The following BBX variants were observed in gnomAD, a reference collection of about 807,000 sequenced individuals.
The protein encoded by BBX is HMG box transcription factor BBX.
Under a neutral mutation model 100.2 loss-of-function variants are expected in BBX, and 30 were observed. The ratio of observed to expected loss-of-function variants is 0.30; its 90% CI spans 0.22 to 0.41. The LOEUF is 0.41. BBX is among the 10% of genes least tolerant of loss of function. The pLI, the probability that BBX is intolerant of heterozygous loss-of-function variation, is 1.00. For synonymous variants in BBX, 376 were observed against 388.1 expected, an observed-to-expected ratio of 0.97 and a Z score of 0.37; for missense variants, 1,023 against 1,129.8, an observed-to-expected ratio of 0.91 and a Z score of 1.35.
intron 2 of BBX, among the ~76,000 whole-genome samples, chr3:107,611,992 TCTA>T (rs2054880321): frequency 6.6e-6 from 1 of 152,056 alleles, no homozygotes; most frequent in Non-Finnish European, 1.5e-5. Context: ...CTTGATCAGT[TCTA>T]CTATTTAGAG....
intron 2 of BBX, among the ~76,000 whole-genome samples, chr3:107,540,141 G>A (rs1321868535): frequency 1.3e-5 from 2 of 152,204 alleles, no homozygotes; most frequent in East Asian, 1.9e-4. Flanking sequence ...AGTTCAGCAC[G>A]AGGGATCTGG....
intron 2 of BBX, among the ~76,000 whole-genome samples, chr3:107,555,558 A>C (rs1424224687): frequency 6.6e-6 from 1 of 152,214 alleles, no homozygotes; most frequent in Non-Finnish European, 1.5e-5. Context: ...CAAAACTACT[A>C]TCCCACTCAT....
intron 4 of BBX, among the ~76,000 whole-genome samples, chr3:107,715,860 A>T (rs1390744083): frequency 6.6e-6 from 1 of 152,254 alleles, no homozygotes; most frequent in Non-Finnish European, 1.5e-5. Flanking sequence ...ATAAAAGAGG[A>T]TTCAAAATTG....
At chr3:107,543,392 A>G (rs1211709954) in intron 2 of BBX, among the ~76,000 whole-genome samples, 1 of 152,236 alleles carries the variant, frequency 6.6e-6, no homozygotes, top group Non-Finnish European at 1.5e-5. Context: ...CCATCTTTAC[A>G]GCAGGAATAG....
chr3:107,555,354 C>T (rs896158707), intron 2 of BBX, among the ~76,000 whole-genome samples: 1 of 152,080 alleles, frequency 6.6e-6, no homozygotes, highest in Admixed American at 6.5e-5. Context: ...TTATAGATTT[C>T]CAAGGGCATT....
chr3:107,778,487 A>G lies in BBX; in HGVS notation c.2171A>G (p.Asn724Ser). The G allele has an allele frequency of 6.2e-7, 1 of 1,613,320 alleles. No individual in the cohort carries two copies. Among genetic ancestry groups the G allele is most frequent in the East Asian group, 2.2e-5 (1 of 44,856 alleles). Residue 724 changes from asparagine to serine, a missense_variant, in exon 13 of 18, where the codon AAT becomes AGT. Around this residue, in one of 9 missense-constraint regions of BBX, gnomAD observed 215 missense variants for 211.3 expected, o/e 1.02. Transcript: ENST00000325805. ...CCAAGAAAAAAGAAGAAGACTGGAA[A>G]TGTGTCCTCAGAACCGACTAAAACC... Reference protein sequence around the residue: ...PVPRKKKKTGNVSSEPTKTSK... With the variant: ...PVPRKKKKTGSVSSEPTKTSK...
intron 9 of BBX, among the ~76,000 whole-genome samples, chr3:107,754,249 T>G (rs1232308912): frequency 6.6e-6 from 1 of 152,174 alleles, no homozygotes; most frequent in Non-Finnish European, 1.5e-5. Flanking sequence ...GCCGGTGGTA[T>G]TAATGTGTTT....
intron 17 of BBX, among the ~76,000 whole-genome samples, chr3:107,802,480 T>C (rs10933914): frequency 0.97 from 148,201 of 152,352 alleles, 72,196 homozygotes; most frequent in Middle Eastern, 1. Flanking sequence ...CTTCTCCATT[T>C]GTGGAGTTGT....
intron 2 of BBX, among the ~76,000 whole-genome samples, chr3:107,587,504 A>T (rs941015326): frequency 6.6e-6 from 1 of 152,178 alleles, no homozygotes; most frequent in Non-Finnish European, 1.5e-5. Context: ...ATATGTTACA[A>T]AGTTTTTCCA....
intron 16 of BBX, 125 bp downstream of exon 16, chr3:107,798,845 A>AAAC: frequency 9.2e-7 from 1 of 1,092,616 alleles, no homozygotes; most frequent in Non-Finnish European, 1.3e-6. Flanking sequence ...TAAAAAAAAA[A>AAAC]AAAAACAAAA....
In BBX at chr3:107,805,462, C is replaced by A. The variant is rs935660356; in HGVS notation, c.*5C>A. On this transcript the variant is annotated 3_prime_UTR_variant, in exon 18 of 18. Transcript: ENST00000325805. ...ATTTCCTGCGCTGACCAGTGAAGCGCCCTTTCATTGTAAAACATTGTGCTT... is the reference window on the plus strand; with the variant it reads ...ATTTCCTGCGCTGACCAGTGAAGCGACCTTTCATTGTAAAACATTGTGCTT... 6.2e-7 allele frequency: 1 copy of A among 1,614,032 alleles called. No homozygotes were observed. Among genetic ancestry groups the A allele is most frequent in the Non-Finnish European group, 8.5e-7 (1 of 1,179,994 alleles).
At chr3:107,804,749 T>G (rs1360080698) in intron 17 of BBX, among the ~76,000 whole-genome samples, 3 of 152,092 alleles carry the variant, frequency 2.0e-5, no homozygotes, top group Non-Finnish European at 1.5e-5. Context: ...GCTTGTTTTC[T>G]TCCTCTAAAC....
chr3:107,722,544 T>G (rs1486899385), intron 5 of BBX, among the ~76,000 whole-genome samples: 4 of 152,044 alleles, frequency 2.6e-5, no homozygotes, highest in Non-Finnish European at 4.4e-5. Context: ...GCCAGTTTCC[T>G]TGCTTTCAAA....
At chr3:107,539,203 A>G (rs761292474) in intron 2 of BBX, among the ~76,000 whole-genome samples, 3 of 152,186 alleles carry the variant, frequency 2.0e-5, no homozygotes, top group Admixed American at 1.3e-4. Flanking sequence ...TTTGCAACAT[A>G]TAATTATTGA....
intron 3 of BBX, among the ~76,000 whole-genome samples, chr3:107,672,932 A>G (rs949385559): frequency 6.6e-6 from 1 of 152,094 alleles, no homozygotes; most frequent in Non-Finnish European, 1.5e-5. Context: ...AAAATGAAAA[A>G]TTAACCCCAT....
At chr3:107,670,653 G>A (rs1291154013) in intron 3 of BBX, among the ~76,000 whole-genome samples, 1 of 152,142 alleles carries the variant, frequency 6.6e-6, no homozygotes, top group East Asian at 1.9e-4. Context: ...TTCATTGAAA[G>A]CTAGAAAACT....
intron 2 of BBX, among the ~76,000 whole-genome samples, chr3:107,628,112 C>G (rs2056316605): frequency 6.6e-6 from 1 of 151,990 alleles, no homozygotes; most frequent in Non-Finnish European, 1.5e-5. Flanking sequence ...AGTAGACTAT[C>G]TTGATTTATC....
intron 3 of BBX, among the ~76,000 whole-genome samples, chr3:107,671,116 A>G (rs939626596): frequency 1.3e-5 from 2 of 150,778 alleles, no homozygotes; most frequent in Non-Finnish European, 3.0e-5. Context: ...TTTTCATTGT[A>G]CAACCTGCGC....
intron 12 of BBX, 45 bp from the exon 13 acceptor site, chr3:107,778,326 A>G (rs772894914): frequency 8.1e-6 from 13 of 1,600,436 alleles, no homozygotes; most frequent in Admixed American, 1.7e-5. Flanking sequence ...TTTCTGTGTC[A>G]TATTTGGTCA....
Sources: gnomAD v4.1 joint callset for allele counts (sites outside exome capture counted in the v4.1 genomes callset) on GRCh38, gnomAD v4.1.1 for gene constraint, gnomAD v4.1.1 regional missense constraint, MANE v1.5 for transcripts, NCBI Gene and HGNC (gene_info 2026-07-23, HGNC 2026-07-21) for gene names.